Variants in GNG12 observed in about 807,000 individuals in gnomAD.
GNG12 encodes G protein subunit gamma 12.
For synonymous variants in GNG12, 28 were observed against 29.7 expected, an observed-to-expected ratio of 0.94 and a Z score of 0.19; for missense variants, 69 against 83.8, an observed-to-expected ratio of 0.82 and a Z score of 0.69.
chr1:67,802,429 C>G (rs1646871944), intron 1 of GNG12, among the ~76,000 whole-genome samples: 1 of 152,184 alleles, frequency 6.6e-6, no homozygotes, highest in African/African-American at 2.4e-5. Context: ...AGCCCCATCT[C>G]CAGCCAGCCA....
At chr1:67,782,135 GA>G (rs1482218849) in intron 1 of GNG12, among the ~76,000 whole-genome samples, 1 of 152,104 alleles carries the variant, frequency 6.6e-6, no homozygotes, top group Non-Finnish European at 1.5e-5. Flanking sequence ...AAGGGCTTTT[GA>G]CACACATAAA....
intron 1 of GNG12, among the ~76,000 whole-genome samples, chr1:67,832,883 G>A (rs978276575): frequency 1.8e-4 from 28 of 152,266 alleles, no homozygotes; most frequent in African/African-American, 6.7e-4. Context: ...CTCCTCCAAC[G>A]CCTGACACCA....
chr1:67,721,821 T>C lies in GNG12; in HGVS notation c.-26-14109A>G, dbSNP rs1646358160. Among the ~76,000 whole-genome samples, 2 of 152,182 alleles carry C rather than the reference T, an allele frequency of 1.3e-5. 1 individual carries two copies. The highest frequency in any genetic ancestry group is 4.1e-4 in the South Asian group (2 of 4,822). On this transcript the variant is annotated intron_variant, in intron 2 of 3. Coordinates refer to ENST00000370982, the MANE Select transcript of GNG12 (RefSeq NM_018841.6). ...TTTTGATACCTAAACCCAGACAACT[T>C]GTAATTCCCTACGTGACCAACTGGG... is the stretch of plus-strand genomic sequence containing the variant.
intron 2 of GNG12, among the ~76,000 whole-genome samples, chr1:67,752,917 GT>G (rs1430639414): frequency 6.6e-6 from 1 of 152,176 alleles, no homozygotes; most frequent in African/African-American, 2.4e-5. Flanking sequence ...GCAGGGAAAG[GT>G]GGCTCGAATC....
intron 2 of GNG12, among the ~76,000 whole-genome samples, chr1:67,744,138 T>C (rs1227539180): frequency 5.9e-5 from 9 of 152,200 alleles, no homozygotes; most frequent in African/African-American, 2.2e-4. Context: ...CCTCATTTAA[T>C]CTTCACACTA....
At chr1:67,748,439 T>C (rs935343913) in intron 2 of GNG12, among the ~76,000 whole-genome samples, 1 of 152,194 alleles carries the variant, frequency 6.6e-6, no homozygotes, top group Non-Finnish European at 1.5e-5. Flanking sequence ...TGCATGCATT[T>C]TTCTCTTCAG....
intron 1 of GNG12, among the ~76,000 whole-genome samples, chr1:67,829,233 G>A (rs1049986803): frequency 3.9e-5 from 6 of 152,066 alleles, no homozygotes; most frequent in African/African-American, 1.4e-4. Flanking sequence ...CAATGTAACT[G>A]TGCATACTGC....
intron 2 of GNG12, among the ~76,000 whole-genome samples, chr1:67,753,312 T>G (rs1241016058): frequency 6.6e-6 from 1 of 151,658 alleles, no homozygotes; most frequent in Non-Finnish European, 1.5e-5. Flanking sequence ...AAATTTGGGA[T>G]GCTCAACTGG....
At chr1:67,810,604 A>C (rs1441828017) in intron 1 of GNG12, among the ~76,000 whole-genome samples, 1 of 152,192 alleles carries the variant, frequency 6.6e-6, no homozygotes, top group Non-Finnish European at 1.5e-5. Flanking sequence ...AAAAAGATTG[A>C]TTTGTGAGAC....
chr1:67,730,276 G>T (rs1202100197), intron 2 of GNG12, among the ~76,000 whole-genome samples: 3 of 152,222 alleles, frequency 2.0e-5, no homozygotes, highest in Non-Finnish European at 2.9e-5. Flanking sequence ...AAGGCAGGCA[G>T]ATTACATGAG....
chr1:67,804,542 T>C (rs1341285369), intron 1 of GNG12, among the ~76,000 whole-genome samples: 1 of 152,176 alleles, frequency 6.6e-6, no homozygotes. Flanking sequence ...GCAAGGAGTT[T>C]AGTTGTTGTC....
At position 67,705,087 on chromosome 1, in the gene GNG12, T is replaced by A. The variant is rs1346962047; in HGVS notation, c.*364A>T. 1 of 169,354 alleles carries A rather than the reference T, an allele frequency of 5.9e-6. No homozygotes were observed. The highest frequency in any genetic ancestry group is 1.7e-4 in the East Asian group (1 of 5,814). The allele number at this position is 169,354 out of a possible 1,614,324, so 10.5% of individuals were successfully genotyped here. A position where few individuals can be genotyped will look rare whatever the true frequency, so the allele number is the denominator to read the frequency against. On this transcript the variant is annotated 3_prime_UTR_variant, in exon 4 of 4. Coordinates refer to ENST00000370982, the MANE Select transcript of GNG12 (RefSeq NM_018841.6). The stretch of plus-strand genomic sequence containing the variant: ...CAAGGCTTTAGGATTTCAATGAATT[T>A]TGGAATTTTAATTTGACAGGTGCTT...
chr1:67,718,615 C>T (rs551154633), intron 2 of GNG12, among the ~76,000 whole-genome samples: 1 of 150,628 alleles, frequency 6.6e-6, no homozygotes, highest in Admixed American at 6.6e-5. Flanking sequence ...TTTAACTTTC[C>T]CCATTCTCCT....
chr1:67,787,062 TGTG>T (rs1646774663), intron 1 of GNG12, among the ~76,000 whole-genome samples: 1 of 150,058 alleles, frequency 6.7e-6, no homozygotes, highest in African/African-American at 2.5e-5. Flanking sequence ...TGTGTGTGTG[TGTG>T]TGTGTATAGT....
chr1:67,728,845 G>A (rs1646402369), intron 2 of GNG12, among the ~76,000 whole-genome samples: 2 of 152,214 alleles, frequency 1.3e-5, no homozygotes, highest in African/African-American at 4.8e-5. Context: ...TAGCCAGAAT[G>A]GTTTGGGGAA....
intron 2 of GNG12, among the ~76,000 whole-genome samples, chr1:67,753,297 A>C (rs1337439651): frequency 6.6e-6 from 1 of 152,018 alleles, no homozygotes; most frequent in Admixed American, 6.6e-5. Flanking sequence ...TTACTGACGC[A>C]TTTCAAATTT....
intron 3 of GNG12, among the ~76,000 whole-genome samples, chr1:67,706,969 A>G (rs1320211142): frequency 6.6e-6 from 1 of 152,150 alleles, no homozygotes; most frequent in African/African-American, 2.4e-5. Flanking sequence ...CAACTGCTTC[A>G]GTTTCAAGGA....
intron 2 of GNG12, among the ~76,000 whole-genome samples, chr1:67,712,978 C>T (rs927244829): frequency 6.6e-6 from 1 of 152,170 alleles, no homozygotes; most frequent in African/African-American, 2.4e-5. Flanking sequence ...ATCCGCCTGC[C>T]TTGGCCTCCC....
At chr1:67,745,507 T>C (rs983326868) in intron 2 of GNG12, among the ~76,000 whole-genome samples, 1 of 152,196 alleles carries the variant, frequency 6.6e-6, no homozygotes, top group Non-Finnish European at 1.5e-5. Flanking sequence ...CAGGGTCTGG[T>C]TCTCCCACAT....
Sources: gnomAD v4.1 joint callset for allele counts (sites outside exome capture counted in the v4.1 genomes callset) on GRCh38, gnomAD v4.1.1 for gene constraint, MANE v1.5 for transcripts, NCBI Gene and HGNC (gene_info 2026-07-23, HGNC 2026-07-21) for gene names.